TRAPPC9: variants seen among roughly 807,000 people sequenced by gnomAD.
TRAPPC9 encodes the protein trafficking protein particle complex subunit 9, also known as IKK2 binding protein.
In TRAPPC9, 83 loss-of-function variants were observed where a neutral mutation model predicts 124.0. That is an observed-to-expected ratio of 0.67 (90% CI 0.56 to 0.80). TRAPPC9 has a LOEUF of 0.80. Among genes scored for constraint, TRAPPC9 ranks in the 30% least tolerant of loss-of-function variants. The pLI is 0.00. For synonymous variants in TRAPPC9, 638 were observed against 617.5 expected (o/e 1.03, Z -0.49); for missense variants, 1,302 against 1,508.3 (o/e 0.86, Z 2.27).
chr8:139,891,866 T>G (rs117481005), intron 20 of TRAPPC9, among the ~76,000 whole-genome samples: 1,598 of 152,222 alleles, frequency 0.01, 79 homozygotes, highest in Admixed American at 0.089. Flanking sequence ...CATTACAAGG[T>G]AGGCATTATC....
chr8:140,204,430 A>G (rs2131192783), intron 17 of TRAPPC9, among the ~76,000 whole-genome samples: 1 of 133,950 alleles, frequency 7.5e-6, no homozygotes, highest in Non-Finnish European at 1.5e-5. Flanking sequence ...CAATGAGAAC[A>G]CTTGGACATA....
At chr8:139,799,853 A>G (rs1823353499) in intron 21 of TRAPPC9, among the ~76,000 whole-genome samples, 1 of 152,212 alleles carries the variant, frequency 6.6e-6, no homozygotes, top group African/African-American at 2.4e-5. Context: ...GCATGGGGCC[A>G]CTGAGGCAAA....
chr8:140,392,851 G>T (rs992547575), intron 7 of TRAPPC9, among the ~76,000 whole-genome samples: 1 of 152,116 alleles, frequency 6.6e-6, no homozygotes, highest in Non-Finnish European at 1.5e-5. Flanking sequence ...CTGTTAATGG[G>T]TCCTCAACAA....
rs1478063218 is a variant in TRAPPC9 at position 140,222,632 on chromosome 8, G to A, written c.2432-1049C>T. On this transcript the variant is annotated intron_variant, in intron 16 of 22. Coordinates refer to ENST00000438773, the MANE Select transcript of TRAPPC9 (RefSeq NM_001160372.4). ...GCACTGGTCTCCAAGGCCTCTGCAT[G>A]ATACACCATTTAACAGAAGAGAAGA... Among the ~76,000 whole-genome samples, 5 of 152,194 alleles carry A rather than the reference G, an allele frequency of 3.3e-5. No homozygotes were observed. The East Asian group carries it at 9.6e-4, about 29-fold the overall frequency.
intron 21 of TRAPPC9, among the ~76,000 whole-genome samples, chr8:139,749,494 A>G (rs1041656071): frequency 1.3e-5 from 2 of 152,190 alleles, no homozygotes; most frequent in African/African-American, 4.8e-5. Context: ...TCTGGGCGCC[A>G]TGTCCAGAAC....
intron 5 of TRAPPC9, among the ~76,000 whole-genome samples, chr8:140,423,753 C>CATAT (rs201205746): frequency 2.0e-5 from 3 of 150,242 alleles, no homozygotes; most frequent in African/African-American, 7.3e-5. Flanking sequence ...CATATATATA[C>CATAT]ATATATATAT....
At chr8:139,851,724 T>C (rs1827478375) in intron 21 of TRAPPC9, among the ~76,000 whole-genome samples, 1 of 152,240 alleles carries the variant, frequency 6.6e-6, no homozygotes, top group Non-Finnish European at 1.5e-5. Flanking sequence ...TTACATTTGA[T>C]GATCTTTGGA....
At chr8:140,397,372 A>G (rs1291826005) in intron 7 of TRAPPC9, among the ~76,000 whole-genome samples, 1 of 145,404 alleles carries the variant, frequency 6.9e-6, no homozygotes, top group Non-Finnish European at 1.5e-5. Flanking sequence ...GGTAAAACAC[A>G]GTTACTTCTC....
intron 5 of TRAPPC9, among the ~76,000 whole-genome samples, chr8:140,418,956 A>G (rs1314396050): frequency 2.0e-5 from 3 of 152,186 alleles, no homozygotes; most frequent in Non-Finnish European, 2.9e-5. Context: ...ACAGACACAA[A>G]GAAAGCATTT....
At chr8:139,970,333 A>G (rs182597558) in intron 19 of TRAPPC9, among the ~76,000 whole-genome samples, 14 of 152,330 alleles carry the variant, frequency 9.2e-5, no homozygotes, top group Admixed American at 7.2e-4. Context: ...CCTCAGTGGC[A>G]TGTCACATGA....
intron 17 of TRAPPC9, among the ~76,000 whole-genome samples, chr8:140,171,552 T>C (rs1213380423): frequency 6.6e-6 from 1 of 152,196 alleles, no homozygotes; most frequent in Non-Finnish European, 1.5e-5. Flanking sequence ...TTACAAGACT[T>C]ATTTACAGCA....
At chr8:140,199,898 A>T (rs1355519034) in intron 17 of TRAPPC9, among the ~76,000 whole-genome samples, 1 of 152,224 alleles carries the variant, frequency 6.6e-6, no homozygotes, top group Non-Finnish European at 1.5e-5. Context: ...ATAGGGCTAA[A>T]GATAAAAGGA....
intron 19 of TRAPPC9, among the ~76,000 whole-genome samples, chr8:139,915,555 T>C (rs374027977): frequency 6.6e-6 from 1 of 152,188 alleles, no homozygotes; most frequent in African/African-American, 2.4e-5. Context: ...CTTGTTTCAA[T>C]TTTTAATAAA....
chr8:140,107,884 G>A (rs1355383075), intron 17 of TRAPPC9, among the ~76,000 whole-genome samples: 1 of 151,554 alleles, frequency 6.6e-6, no homozygotes, highest in African/African-American at 2.4e-5. Context: ...TTTAAGTCTG[G>A]CAGTTTCCAT....
intron 17 of TRAPPC9, among the ~76,000 whole-genome samples, chr8:140,188,829 C>T (rs2062410746): frequency 6.6e-6 from 1 of 152,164 alleles, no homozygotes; most frequent in Non-Finnish European, 1.5e-5. Context: ...AGCTGATGGT[C>T]CCGAATTGAT....
intron 21 of TRAPPC9, among the ~76,000 whole-genome samples, chr8:139,871,935 A>G (rs1462449341): frequency 6.6e-6 from 1 of 150,594 alleles, no homozygotes; most frequent in Admixed American, 6.7e-5. Context: ...CAGATGAATG[A>G]GTTGATGGAT....
chr8:139,808,520 A>G (rs1336382154), intron 21 of TRAPPC9, among the ~76,000 whole-genome samples: 1 of 152,226 alleles, frequency 6.6e-6, no homozygotes, highest in Non-Finnish European at 1.5e-5. Flanking sequence ...CAGCATTATT[A>G]CATTTCAGAA....
chr8:140,350,175 G>A (rs771646510), intron 9 of TRAPPC9, among the ~76,000 whole-genome samples: 4 of 152,174 alleles, frequency 2.6e-5, no homozygotes, highest in Non-Finnish European at 4.4e-5. Flanking sequence ...GCTGAATTCT[G>A]CTCTGAAAAT....
chr8:140,112,440 GGA>G (rs2060798691), intron 17 of TRAPPC9, among the ~76,000 whole-genome samples: 1 of 152,210 alleles, frequency 6.6e-6, no homozygotes, highest in Non-Finnish European at 1.5e-5. Flanking sequence ...ACAGGTGCGA[GGA>G]GAGTAATGGA....
Sources: allele counts gnomAD v4.1 joint callset (sites outside exome capture counted in the v4.1 genomes callset), GRCh38; gene constraint gnomAD v4.1.1; transcripts MANE v1.5; gene names NCBI Gene and HGNC (gene_info 2026-07-23, HGNC 2026-07-21).